Variants in CERT1 observed in about 807,000 individuals in gnomAD.
CERT1 encodes ceramide transfer protein.
A neutral mutation model predicts 87.9 loss-of-function variants in CERT1; 31 were observed. The observed-to-expected ratio is 0.35, with a 90% CI of 0.27 to 0.48. CERT1 has a LOEUF of 0.48. Ranked by LOEUF, CERT1 falls within the 20% of genes least tolerant of loss-of-function variation. CERT1 has a pLI of 0.99. For missense variants in CERT1, 487 were observed against 758.0 expected, an observed-to-expected ratio of 0.64 and a Z score of 4.20; for synonymous variants, 289 against 250.9, an observed-to-expected ratio of 1.15 and a Z score of -1.44.
intron 5 of CERT1, among the ~76,000 whole-genome samples, chr5:75,424,729 G>C (rs1763532508): frequency 6.6e-6 from 1 of 152,054 alleles, no homozygotes; most frequent in Non-Finnish European, 1.5e-5. Context: ...GACTCATCAT[G>C]GGCTAAATTT....
chr5:75,396,319 T>G (rs2112065166), intron 11 of CERT1, among the ~76,000 whole-genome samples: 1 of 152,308 alleles, frequency 6.6e-6, no homozygotes, highest in African/African-American at 2.4e-5. Context: ...TTATTAAAGG[T>G]GATTAAAAAT....
chr5:75,432,470 T>G (rs1030592354), intron 3 of CERT1, among the ~76,000 whole-genome samples: 1 of 152,242 alleles, frequency 6.6e-6, no homozygotes, highest in Admixed American at 6.5e-5. Context: ...AACAGTGATG[T>G]TGAACACTTT....
chr5:75,381,185 A>C lies in CERT1; in HGVS notation c.1634T>G (p.Val545Gly). ...HDSAPLNNRC[V>G]RAKINVAMIC... is the part of the protein sequence containing the mutation. ...CATAGCAACATTTATTTTGGCACGG[A>C]CACATCGGTTGTTTAGCTGCCAAAA... The change falls in exon 16 of 17, where the codon GTC becomes GGC. Residue 545 changes from valine (V) to glycine (G), a missense_variant. Val to Gly is a moderately radical substitution (Grantham distance 109). This residue lies in a region of CERT1 where 147 missense variants were observed against 200.8 expected (regional missense o/e 0.73). Coordinates refer to ENST00000643780, the MANE Select transcript of CERT1 (RefSeq NM_001379029.1). The C allele has an allele frequency of 6.2e-7, 1 of 1,614,180 alleles. No individual in the cohort carries two copies. Among genetic ancestry groups the C allele is most frequent in the Non-Finnish European group, 8.5e-7 (1 of 1,180,020 alleles).
At chr5:75,374,491 G>A, downstream of CERT1, 1 of 722,028 alleles carries the variant, frequency 1.4e-6, no homozygotes, top group Non-Finnish European at 2.5e-6. Context: ...AACAATGGTT[G>A]TGCCAAAAAG....
Position 75,511,565 on chromosome 5 carries a change from C to T in CERT1, c.-358G>A. The stretch of plus-strand genomic sequence containing the variant: ...AAAAGAAGGGAAGAGAAAATCCGGC[C>T]GCTGAGTCCCGCGTCCACTCACACC... On this transcript the variant is annotated 5_prime_UTR_variant, in exon 1 of 17. Coordinates refer to ENST00000643780, the MANE Select transcript of CERT1 (RefSeq NM_001379029.1). The T allele has an allele frequency of 6.9e-7, 1 of 1,456,412 alleles. No homozygotes were observed. 90.2% of individuals were successfully genotyped at this position (1,456,412 alleles called of 1,614,324 possible). A position where few individuals can be genotyped will look rare whatever the true frequency, so the allele number is the denominator to read the frequency against.
chr5:75,408,083 A>G (rs1481880389), intron 8 of CERT1, among the ~76,000 whole-genome samples: 1 of 152,154 alleles, frequency 6.6e-6, no homozygotes, highest in African/African-American at 2.4e-5. Flanking sequence ...AATTCTTAAT[A>G]GGAGCCATTT....
chr5:75,503,899 A>ATTTTTTGTTTAAT (rs1396232110), intron 2 of CERT1, among the ~76,000 whole-genome samples: 302 of 150,676 alleles, frequency 2.0e-3, no homozygotes, highest in South Asian at 2.7e-3. Context: ...AAACATTTAA[A>ATTTTTTGTTTAAT]TTAAATGTTT....
chr5:75,373,393 G>A (rs1761154996), downstream of CERT1: 1 of 152,142 alleles, frequency 6.6e-6, no homozygotes, highest in South Asian at 2.1e-4. Context: ...TCTGTTTGGA[G>A]ACAGGCAGAA....
downstream of CERT1, chr5:75,375,640 A>T (rs1761272446): frequency 6.8e-6 from 1 of 146,902 alleles, no homozygotes; most frequent in East Asian, 1.9e-4. Context: ...TAAAATAAAT[A>T]AAAATATATA....
rs142786737 is a variant in CERT1, at chr5:75,476,841, C to T, written c.232-17660G>A. On this transcript the variant is annotated intron_variant, in intron 2 of 16. Transcript: ENST00000643780. ...GAGGCAAAACTGATGCCTTGTTCTG[C>T]GTAACTATGGAAAAGCCTGCACATC... is the stretch of plus-strand genomic sequence containing the variant. 2.3e-3 allele frequency among the ~76,000 whole-genome samples: 350 copies of T among 151,842 alleles called. 1 individual carries two copies. Among genetic ancestry groups the T allele is most frequent in the African/African-American group, 7.6e-3 (315 of 41,246 alleles).
chr5:75,476,323 T>TG (rs1765950828), intron 2 of CERT1, among the ~76,000 whole-genome samples: 1 of 151,956 alleles, frequency 6.6e-6, no homozygotes, highest in African/African-American at 2.4e-5. Flanking sequence ...ATGGAAATTG[T>TG]GATTTTTTTT....
At chr5:75,511,693 C>G, upstream of CERT1, 1 of 1,539,330 alleles carries the variant, frequency 6.5e-7, no homozygotes, top group Non-Finnish European at 8.8e-7. Flanking sequence ...CTACTCCCCG[C>G]CCCGTCCCCC....
chr5:75,423,932 T>C (rs1281652857), intron 5 of CERT1, among the ~76,000 whole-genome samples: 2 of 152,038 alleles, frequency 1.3e-5, no homozygotes, highest in Non-Finnish European at 1.5e-5. Flanking sequence ...CAAAAAGAAC[T>C]TGGATCCAGA....
intron 3 of CERT1, among the ~76,000 whole-genome samples, chr5:75,428,177 A>G (rs1183416776): frequency 6.6e-6 from 1 of 152,162 alleles, no homozygotes; most frequent in East Asian, 1.9e-4. Context: ...TTAATAAATA[A>G]AAGTTTTATG....
chr5:75,474,813 T>C (rs574715517), intron 2 of CERT1, among the ~76,000 whole-genome samples: 1 of 151,514 alleles, frequency 6.6e-6, no homozygotes, highest in East Asian at 1.9e-4. Context: ...CTTCTTCTAC[T>C]AGAGGGAGTC....
chr5:75,373,767 C>T, downstream of CERT1: 1 of 247,236 alleles, frequency 4.0e-6, no homozygotes, highest in Non-Finnish European at 7.6e-6. Flanking sequence ...AAGCACATGC[C>T]CCATGTGCAT....
At chr5:75,479,762 G>A (rs927824597) in intron 2 of CERT1, among the ~76,000 whole-genome samples, 1 of 152,054 alleles carries the variant, frequency 6.6e-6, no homozygotes, top group East Asian at 1.9e-4. Context: ...TCGAGTGCAT[G>A]TGTCTTTATG....
Position 75,459,087 on chromosome 5 carries a change from A to C in CERT1, c.326T>G (p.Ile109Arg), listed in dbSNP as rs762993636. Residue 109 changes from isoleucine (I) to arginine (R), a missense_variant, in exon 3 of 17, where the codon ATA becomes AGA. This residue lies in a region of CERT1 where 173 missense variants were observed against 302.2 expected (regional missense o/e 0.57). Coordinates refer to ENST00000643780, the MANE Select transcript of CERT1 (RefSeq NM_001379029.1). ...TACCTTGTGCTGTTCAATGGCATCT[A>C]TCCATTGCTGTCTATGATCTGGATC... is the stretch of plus-strand genomic sequence containing the variant. ...AQDPDHRQQW[I>R]DAIEQHKTES... 5.0e-6 allele frequency: 8 copies of C among 1,601,436 alleles called. No homozygotes were observed. The highest frequency in any genetic ancestry group is 6.0e-6 in the Non-Finnish European group (7 of 1,168,586).
chr5:75,398,019 G>C (rs1370871886), intron 11 of CERT1, among the ~76,000 whole-genome samples: 1 of 151,660 alleles, frequency 6.6e-6, no homozygotes, highest in Non-Finnish European at 1.5e-5. Flanking sequence ...ACCCTGTCTC[G>C]AAAATAAATA....
Sources: allele counts gnomAD v4.1 joint callset (sites outside exome capture counted in the v4.1 genomes callset), GRCh38; gene constraint gnomAD v4.1.1; regional missense constraint gnomAD v4.1.1; transcripts MANE v1.5; gene names NCBI Gene and HGNC (gene_info 2026-07-23, HGNC 2026-07-21).